SNX10: variants seen among roughly 807,000 people sequenced by gnomAD.
The protein encoded by SNX10 is sorting nexin 10, also known as sorting nexin-10.
In SNX10, 25 loss-of-function variants were observed where a neutral mutation model predicts 28.5. That is an observed-to-expected ratio of 0.88 (90% confidence interval 0.64 to 1.22). The LOEUF (loss-of-function observed/expected upper bound fraction) is 1.22. SNX10 is among the 50% of genes most tolerant of loss of function. SNX10 has a pLI of 0.00. For missense variants in SNX10, 223 were observed against 242.6 expected (o/e 0.92, Z 0.54); for synonymous variants, 62 against 81.4 (o/e 0.76, Z 1.28).
intron 2 of SNX10, among the ~76,000 whole-genome samples, chr7:26,350,098 T>C (rs1240538215): frequency 6.6e-6 from 1 of 152,222 alleles, no homozygotes; most frequent in African/African-American, 2.4e-5. Flanking sequence ...TCCCCTGCTC[T>C]CCTGGATCAT....
At chr7:26,353,740 C>T (rs1440394893) in intron 2 of SNX10, among the ~76,000 whole-genome samples, 1 of 152,174 alleles carries the variant, frequency 6.6e-6, no homozygotes, top group Non-Finnish European at 1.5e-5. Flanking sequence ...GCTTGAGCCA[C>T]CACGCCCAGC....
At chr7:26,310,194 C>T (rs1430338930) in intron 1 of SNX10, among the ~76,000 whole-genome samples, 1 of 152,124 alleles carries the variant, frequency 6.6e-6, no homozygotes, top group Non-Finnish European at 1.5e-5. Flanking sequence ...GAGAGGCGGG[C>T]GACTGTCAAC....
chr7:26,340,056 A>T (rs527734415), intron 1 of SNX10, among the ~76,000 whole-genome samples: 2 of 151,920 alleles, frequency 1.3e-5, no homozygotes, highest in African/African-American at 4.8e-5. Context: ...TTATTTCATC[A>T]TTTGAAAAAA....
chr7:26,312,143 A>G (rs933296205), intron 1 of SNX10, among the ~76,000 whole-genome samples: 1 of 152,220 alleles, frequency 6.6e-6, no homozygotes, highest in Non-Finnish European at 1.5e-5. Flanking sequence ...GATGTAATTC[A>G]TGACCATGGA....
Position 26,360,981 on chromosome 7 carries a change from G to A in SNX10, c.31G>A (p.Val11Ile). ...GTTTATGATGCCATTACAGGAATTT[G>A]TAAGTGTCTGGGTTCGAGATCCTAG... MFPEQQKEEFVSVWVRDPRIQ... is the reference protein window; with the variant it reads MFPEQQKEEFISVWVRDPRIQ... The change falls in exon 3 of 7, where the codon GTA becomes ATA. Residue 11 changes from valine to isoleucine, a missense_variant. Val to Ile is a conservative substitution (Grantham distance 29). Transcript: ENST00000338523. The A allele has an allele frequency of 6.3e-7, 1 of 1,595,228 alleles. No individual in the cohort carries two copies. Among genetic ancestry groups the A allele is most frequent in the Non-Finnish European group, 8.6e-7 (1 of 1,169,176 alleles).
chr7:26,338,646 C>T (rs912803756), intron 1 of SNX10, among the ~76,000 whole-genome samples: 5 of 152,270 alleles, frequency 3.3e-5, no homozygotes, highest in Admixed American at 2.0e-4. Flanking sequence ...CCTCGTGATC[C>T]GCCCACCTCG....
intron 1 of SNX10, among the ~76,000 whole-genome samples, chr7:26,321,816 C>T (rs2128000559): frequency 6.6e-6 from 1 of 152,002 alleles, no homozygotes; most frequent in African/African-American, 2.4e-5. Context: ...GCTGTGTTGC[C>T]CAGGCTGGCC....
Position 26,323,115 on chromosome 7 carries a change from C to T in SNX10, c.-23-23305C>T, listed in dbSNP as rs750348549. The stretch of plus-strand genomic sequence containing the variant: ...AATAACAAAAATTAGCCAAGTGTGG[C>T]GGTGTGAGCCTGTAGTGCCAGCTAC... On this transcript the variant is annotated intron_variant, in intron 1 of 6. Transcript: ENST00000338523. Among the ~76,000 whole-genome samples, 9 of 151,876 alleles carry T rather than the reference C, an allele frequency of 5.9e-5. No homozygotes were observed. In the South Asian group the frequency reaches 6.2e-4, roughly 11 times the overall value.
At chr7:26,354,666 C>T (rs1376255182) in intron 2 of SNX10, among the ~76,000 whole-genome samples, 1 of 150,074 alleles carries the variant, frequency 6.7e-6, no homozygotes. Context: ...CAGGAGAGAG[C>T]CACCTCACCC....
At chr7:26,336,245 A>G (rs576470448) in intron 1 of SNX10, among the ~76,000 whole-genome samples, 3 of 152,162 alleles carry the variant, frequency 2.0e-5, no homozygotes, top group Non-Finnish European at 4.4e-5. Flanking sequence ...TAACAAATGC[A>G]CTGTAATCTT....
chr7:26,352,266 T>TA (rs1034737226), intron 2 of SNX10, among the ~76,000 whole-genome samples: 1 of 152,144 alleles, frequency 6.6e-6, no homozygotes, highest in Non-Finnish European at 1.5e-5. Context: ...CTGTTTGTGT[T>TA]AAAAAATTGC....
chr7:26,319,210 G>T (rs1018140618), intron 1 of SNX10, among the ~76,000 whole-genome samples: 1 of 152,186 alleles, frequency 6.6e-6, no homozygotes, highest in East Asian at 1.9e-4. Context: ...ATCAGTAGAC[G>T]TAGATATTGT....
intron 1 of SNX10, among the ~76,000 whole-genome samples, chr7:26,314,990 T>C (rs1032991112): frequency 5.4e-4 from 14 of 25,784 alleles, no homozygotes; most frequent in African/African-American, 2.3e-3. Context: ...CAAGTGAGAC[T>C]GTCTCAAAAC....
intron 1 of SNX10, among the ~76,000 whole-genome samples, chr7:26,316,696 C>T (rs931653898): frequency 2.6e-5 from 4 of 152,090 alleles, no homozygotes; most frequent in African/African-American, 7.2e-5. Flanking sequence ...GATGAGGATA[C>T]CGAGGCGCAC....
intron 1 of SNX10, among the ~76,000 whole-genome samples, chr7:26,326,204 T>A (rs1268713577): frequency 6.6e-6 from 1 of 152,152 alleles, no homozygotes; most frequent in Non-Finnish European, 1.5e-5. Context: ...GCTTTTTTAG[T>A]TTTTCTACCT....
intron 1 of SNX10, among the ~76,000 whole-genome samples, chr7:26,313,538 GC>G (rs1227859321): frequency 2.0e-5 from 3 of 152,280 alleles, no homozygotes; most frequent in Admixed American, 1.3e-4. Context: ...GGAATGATAT[GC>G]CTTTAAAGGC....
Position 26,374,034 on chromosome 7 carries a change from T to TC in SNX10, c.*1464dup. ...ATATTTTGATTTAATGTGTCTTAGA[T>TC]CCTCATTATTTTAATACAGGAAAAG... is the stretch of plus-strand genomic sequence containing the variant. On this transcript the variant is annotated 3_prime_UTR_variant, in exon 7 of 7. Coordinates refer to ENST00000338523, the MANE Select transcript of SNX10 (RefSeq NM_013322.3). 1.3e-5 allele frequency: 2 copies of TC among 152,206 alleles called. No homozygotes were observed. The highest frequency in any genetic ancestry group is 3.8e-4 in the East Asian group (2 of 5,196). The allele number at this position is 152,206 out of a possible 1,614,324, so 9.4% of individuals were successfully genotyped here.
At chr7:26,341,261 T>C (rs753589844) in intron 1 of SNX10, among the ~76,000 whole-genome samples, 8 of 152,180 alleles carry the variant, frequency 5.3e-5, no homozygotes, top group Non-Finnish European at 1.0e-4. Flanking sequence ...ATTGTGCCAC[T>C]GCATTCTAGC....
At chr7:26,294,386 G>A (rs1361089898) in intron 1 of SNX10, among the ~76,000 whole-genome samples, 1 of 152,170 alleles carries the variant, frequency 6.6e-6, no homozygotes, top group Non-Finnish European at 1.5e-5. Flanking sequence ...CACTCTCTGA[G>A]TTGCCTGTTA....
Sources: gnomAD v4.1 joint callset for allele counts (sites outside exome capture counted in the v4.1 genomes callset) on GRCh38, gnomAD v4.1.1 for gene constraint, MANE v1.5 for transcripts, NCBI Gene and HGNC (gene_info 2026-07-23, HGNC 2026-07-21) for gene names.